Variants in LMCD1 observed in about 807,000 individuals in gnomAD.
LMCD1 encodes LIM and cysteine-rich domains protein 1.
LMCD1 carries 32 observed loss-of-function variants against 42.7 expected under a neutral mutation model. That is an observed-to-expected ratio of 0.75 (90% CI 0.57 to 1.01). The LOEUF (loss-of-function observed/expected upper bound fraction) is 1.01. Among genes scored for constraint, LMCD1 ranks in the 50% least tolerant of loss-of-function variants. The pLI, the probability that LMCD1 is intolerant of heterozygous loss-of-function variation, is 0.00. For synonymous variants in LMCD1, 178 were observed against 184.9 expected, an observed-to-expected ratio of 0.96 and a Z score of 0.30; for missense variants, 458 against 483.1, an observed-to-expected ratio of 0.95 and a Z score of 0.49.
At chr3:8,554,810 C>T (rs1694901795) in intron 4 of LMCD1, among the ~76,000 whole-genome samples, 1 of 152,158 alleles carries the variant, frequency 6.6e-6, no homozygotes, top group Non-Finnish European at 1.5e-5. Flanking sequence ...ACAGATTTCC[C>T]GGGTATGGTC....
chr3:8,503,227 G>T (rs1039628985), intron 1 of LMCD1, among the ~76,000 whole-genome samples: 22 of 152,182 alleles, frequency 1.4e-4, no homozygotes, highest in African/African-American at 4.1e-4. Context: ...AACAAAAGAC[G>T]TGAGAATCAA....
At chr3:8,566,489 A>G (rs1695135030) in intron 5 of LMCD1, among the ~76,000 whole-genome samples, 1 of 152,222 alleles carries the variant, frequency 6.6e-6, no homozygotes, top group Non-Finnish European at 1.5e-5. Flanking sequence ...TAACTCTGTT[A>G]TTAAGTGATA....
In LMCD1 at chr3:8,548,820, C is replaced by G; in HGVS notation, c.640C>G (p.Gln214Glu). The G allele has an allele frequency of 7.5e-6, 12 of 1,603,930 alleles. No individual in the cohort carries two copies. The highest frequency in any genetic ancestry group is 1.3e-5 in the African/African-American group (1 of 74,926). The change falls in exon 4 of 6, where the codon CAG (glutamine) becomes GAG (glutamate). Residue 214 changes from glutamine (Q) to glutamate (E), a missense_variant. Gln to Glu is a conservative substitution (Grantham distance 29). Transcript: ENST00000157600. ...TGGCTTGCCCAAGGAGGAGGGGAAG[C>G]AGCAGGAAAAGCCAGAGGGGGCAGA... ...QGGLPKEEGK[Q>E]QEKPEGAETT...
At chr3:8,502,568 A>G (rs1693781439) in intron 1 of LMCD1, among the ~76,000 whole-genome samples, 1 of 57,512 alleles carries the variant, frequency 1.7e-5, no homozygotes, top group Middle Eastern at 0.012. Context: ...GTTTCCCCCA[A>G]TACACACACA....
chr3:8,518,316 C>G (rs181811972), intron 1 of LMCD1, among the ~76,000 whole-genome samples: 1 of 152,330 alleles, frequency 6.6e-6, no homozygotes, highest in East Asian at 1.9e-4. Flanking sequence ...CAGTGCTTGT[C>G]TGTATTCTAT....
chr3:8,559,640 G>C (rs1317512869), intron 4 of LMCD1, among the ~76,000 whole-genome samples: 1 of 152,218 alleles, frequency 6.6e-6, no homozygotes, highest in Admixed American at 6.5e-5. Flanking sequence ...GAAAGGGCCA[G>C]GATGATGAGA....
chr3:8,543,432 T>TAGAC (rs1694671866), intron 3 of LMCD1, among the ~76,000 whole-genome samples: 1 of 131,296 alleles, frequency 7.6e-6, no homozygotes, highest in African/African-American at 2.9e-5. Flanking sequence ...GATAGATAGA[T>TAGAC]AGATAGATAG....
At chr3:8,528,395 T>A (rs922807366) in intron 1 of LMCD1, among the ~76,000 whole-genome samples, 1 of 152,098 alleles carries the variant, frequency 6.6e-6, no homozygotes, top group Non-Finnish European at 1.5e-5. Context: ...GGGGTCTCAC[T>A]ATGTTGCACA....
At chr3:8,521,598 A>C (rs977141790) in intron 1 of LMCD1, among the ~76,000 whole-genome samples, 3 of 152,210 alleles carry the variant, frequency 2.0e-5, no homozygotes, top group African/African-American at 7.2e-5. Context: ...ACCCTTGAAA[A>C]ATGTGCTGAT....
At position 8,533,017 on chromosome 3, in the gene LMCD1, G is replaced by A. The variant is rs370379519; in HGVS notation, c.131+192G>A. On this transcript the variant is annotated intron_variant, in intron 2 of 5. Transcript: ENST00000157600. ...AAAGTCCTTGGGGGAGTGTGGCGGG[G>A]GCAGTAAAGATGTGAAGAAGGAGTT... Among the ~76,000 whole-genome samples the A allele has an allele frequency of 1.6e-4, 24 of 152,186 alleles. No homozygotes were observed. In the South Asian group the frequency reaches 5.0e-3, roughly 32 times the overall value.
In LMCD1 at chr3:8,569,921, A is replaced by G; in HGVS notation, c.*2323A>G. On this transcript the variant is annotated 3_prime_UTR_variant, in exon 6 of 6. Coordinates refer to ENST00000157600, the MANE Select transcript of LMCD1 (RefSeq NM_014583.4). ...CCTGAGCCCAGTAAGTCAAGGCTGC[A>G]GTGAGCTGTGATCATGCCACAGCAC... 6.5e-6 allele frequency: 1 copy of G among 153,716 alleles called. No individual in the cohort carries two copies. Among genetic ancestry groups the G allele is most frequent in the Non-Finnish European group, 1.4e-5 (1 of 70,422 alleles). 9.5% of individuals were successfully genotyped at this position (153,716 alleles called of 1,614,324 possible).
intron 3 of LMCD1, among the ~76,000 whole-genome samples, chr3:8,543,180 G>A (rs1050149213): frequency 3.9e-4 from 59 of 152,266 alleles, no homozygotes; most frequent in African/African-American, 1.4e-3. Flanking sequence ...GACGGTGTGA[G>A]CAAAGTTGCC....
At chr3:8,553,163 C>G (rs61461567) in intron 4 of LMCD1, among the ~76,000 whole-genome samples, 4,367 of 152,240 alleles carry the variant, frequency 0.029, 239 homozygotes, top group African/African-American at 0.1. Context: ...GACACTAAGT[C>G]TCTGCAATCT....
intron 4 of LMCD1, chr3:8,550,405 C>T (rs1016746875): frequency 2.3e-5 from 23 of 984,008 alleles, no homozygotes; most frequent in Admixed American, 6.1e-5. Context: ...ATGAGCCAGG[C>T]GACCCAGGGA....
At chr3:8,542,551 C>G (rs182330832) in intron 3 of LMCD1, among the ~76,000 whole-genome samples, 122 of 152,166 alleles carry the variant, frequency 8.0e-4, no homozygotes, top group African/African-American at 2.7e-3. Context: ...CCTGGAAAGC[C>G]AGAGAAACAG....
chr3:8,502,314 ATATATAT>A (rs1344866819), intron 1 of LMCD1, among the ~76,000 whole-genome samples: 2 of 14,482 alleles, frequency 1.4e-4, no homozygotes, highest in African/African-American at 2.7e-4. Flanking sequence ...AATATATAAA[ATATATAT>A]TATATATAAT....
At position 8,571,793 on chromosome 3, in the gene LMCD1, T is replaced by C. The variant is rs1014402581; in HGVS notation, c.*4195T>C. On this transcript the variant is annotated 3_prime_UTR_variant, in exon 6 of 6. Transcript: ENST00000157600. ...CTGCTGTTGTTTTCTTTTCTTTTGA[T>C]AGAATGTCAAACTTACGAAAAAAGT... 3.9e-5 allele frequency: 6 copies of C among 152,256 alleles called. No individual in the cohort carries two copies. The highest frequency in any genetic ancestry group is 7.2e-5 in the African/African-American group (3 of 41,468). 9.4% of individuals were successfully genotyped at this position (152,256 alleles called of 1,614,324 possible).
chr3:8,537,807 T>C (rs1694540892), intron 3 of LMCD1, among the ~76,000 whole-genome samples: 1 of 152,194 alleles, frequency 6.6e-6, no homozygotes, highest in Admixed American at 6.5e-5. Flanking sequence ...TCCCTTGAAG[T>C]AGCCTGGGAT....
chr3:8,567,572 A>C lies in LMCD1; in HGVS notation c.1072A>C (p.Thr358Pro), dbSNP rs868334996. 1 of 1,613,794 alleles carries C rather than the reference A, an allele frequency of 6.2e-7. No homozygotes were observed. The highest frequency in any genetic ancestry group is 1.7e-5 in the Admixed American group (1 of 59,992). The change falls in exon 6 of 6, where the codon ACT (threonine) becomes CCT (proline). Residue 358 changes from threonine to proline, a missense_variant. Thr to Pro is a conservative substitution (Grantham distance 38). Transcript: ENST00000157600. ...IVTKGQLLCP[T>P]CSKSKRS ...CACCAAGGGTCAGCTTCTGTGCCCA[A>C]CTTGCAGCAAGTCCAAACGCTCCTG... is the stretch of plus-strand genomic sequence containing the variant.
Sources: allele counts gnomAD v4.1 joint callset (sites outside exome capture counted in the v4.1 genomes callset), GRCh38; gene constraint gnomAD v4.1.1; transcripts MANE v1.5; gene names NCBI Gene and HGNC (gene_info 2026-07-23, HGNC 2026-07-21).